TMEM267: variants seen among roughly 807,000 people sequenced by gnomAD.
The protein encoded by TMEM267 is transmembrane protein C5orf28.
Under a neutral mutation model 19.3 loss-of-function variants are expected in TMEM267, and 20 were observed. The observed-to-expected ratio is 1.04, with a 90% CI of 0.73 to 1.51. The LOEUF (loss-of-function observed/expected upper bound fraction) is 1.51, where lower values mean the gene tolerates loss of function less well. Ranked by LOEUF, TMEM267 falls within the 40% of genes most tolerant of loss-of-function variation. The pLI is 0.00. For missense variants in TMEM267, 242 were observed against 261.9 expected (o/e 0.92, Z 0.52); for synonymous variants, 88 against 90.3 (o/e 0.97, Z 0.15).
Position 43,445,195 on chromosome 5 carries a change from A to G in TMEM267, c.*1027T>C, listed in dbSNP as rs887237533. On this transcript the variant is annotated 3_prime_UTR_variant, in exon 3 of 3. Transcript: ENST00000397080. ...AATAAAGAGGAATCATTTTAATAGAAGATCAACCTGAAAGAAAAAGGAAAA... is the reference window on the plus strand; with the variant it reads ...AATAAAGAGGAATCATTTTAATAGAGGATCAACCTGAAAGAAAAAGGAAAA... 2 of 152,198 alleles carry G rather than the reference A, an allele frequency of 1.3e-5. No homozygotes were observed. Among genetic ancestry groups the G allele is most frequent in the African/African-American group, 2.4e-5 (1 of 41,460 alleles). 9.4% of individuals were successfully genotyped at this position (152,198 alleles called of 1,614,324 possible).
intron 1 of TMEM267, among the ~76,000 whole-genome samples, chr5:43,463,739 T>A (rs563558328): frequency 2.0e-5 from 3 of 152,318 alleles, no homozygotes; most frequent in African/African-American, 7.2e-5. Context: ...AAAAGGCCTT[T>A]GACAAAATTC....
intron 1 of TMEM267, among the ~76,000 whole-genome samples, chr5:43,463,325 A>C (rs894800917): frequency 1.3e-5 from 2 of 152,176 alleles, no homozygotes; most frequent in Non-Finnish European, 2.9e-5. Flanking sequence ...AAGGTCCAGG[A>C]CCAGATGTAT....
chr5:43,447,199 C>G (rs937571090), intron 2 of TMEM267, among the ~76,000 whole-genome samples: 3 of 151,638 alleles, frequency 2.0e-5, no homozygotes, highest in African/African-American at 7.3e-5. Flanking sequence ...TTAAAATTCT[C>G]CAGCCTCAGC....
chr5:43,474,991 T>C (rs1744325780), intron 1 of TMEM267, among the ~76,000 whole-genome samples: 1 of 152,126 alleles, frequency 6.6e-6, no homozygotes, highest in African/African-American at 2.4e-5. Flanking sequence ...GATCTAGAAC[T>C]AGAAATACCA....
intron 2 of TMEM267, among the ~76,000 whole-genome samples, chr5:43,451,503 C>T (rs1742585736): frequency 1.3e-5 from 2 of 152,110 alleles, no homozygotes; most frequent in South Asian, 4.1e-4. Flanking sequence ...AAAAAATGCT[C>T]CATATCACTA....
chr5:43,470,202 G>T (rs1743979785), intron 1 of TMEM267, among the ~76,000 whole-genome samples: 1 of 152,106 alleles, frequency 6.6e-6, no homozygotes, highest in Non-Finnish European at 1.5e-5. Context: ...GAGTGCAGTG[G>T]TGCAATCTCA....
upstream of TMEM267, chr5:43,484,249 A>C (rs1364335112): frequency 6.6e-6 from 1 of 152,246 alleles, no homozygotes; most frequent in Non-Finnish European, 1.5e-5. Context: ...CCAGGCACAC[A>C]GGCCTTACTA....
At chr5:43,476,446 G>C (rs1178369842) in intron 1 of TMEM267, among the ~76,000 whole-genome samples, 1 of 147,862 alleles carries the variant, frequency 6.8e-6, no homozygotes, top group Non-Finnish European at 1.5e-5. Context: ...AATTCCATAG[G>C]TCTTTAGCTC....
At chr5:43,477,491 A>G (rs4541663) in intron 1 of TMEM267, among the ~76,000 whole-genome samples, 92,693 of 151,590 alleles carry the variant, frequency 0.61, 30,990 homozygotes, top group African/African-American at 0.89. Flanking sequence ...CTACTTGGGA[A>G]GCTGAGGCAG....
intron 1 of TMEM267, among the ~76,000 whole-genome samples, chr5:43,458,851 G>A (rs997924672): frequency 1.3e-5 from 2 of 152,106 alleles, no homozygotes; most frequent in African/African-American, 4.8e-5. Context: ...GGAATGCACA[G>A]TGGCGTGAAT....
At chr5:43,462,837 G>A (rs1268185308) in intron 1 of TMEM267, among the ~76,000 whole-genome samples, 9 of 152,104 alleles carry the variant, frequency 5.9e-5, no homozygotes, top group Non-Finnish European at 1.3e-4. Flanking sequence ...CAGAAAGCAG[G>A]AAAGACCCAA....
At chr5:43,470,816 T>C (rs996486348) in intron 1 of TMEM267, among the ~76,000 whole-genome samples, 3 of 152,150 alleles carry the variant, frequency 2.0e-5, no homozygotes, top group South Asian at 4.1e-4. Context: ...TGTTTGCGGA[T>C]GATATGATCT....
intron 2 of TMEM267, among the ~76,000 whole-genome samples, chr5:43,451,440 G>A (rs1742582392): frequency 6.6e-6 from 1 of 152,044 alleles, no homozygotes; most frequent in African/African-American, 2.4e-5. Context: ...AGTGGGCAAA[G>A]GACATGAACA....
chr5:43,471,598 T>A (rs1014989880), intron 1 of TMEM267, among the ~76,000 whole-genome samples: 2 of 151,882 alleles, frequency 1.3e-5, no homozygotes, highest in African/African-American at 4.8e-5. Flanking sequence ...AACAGACACA[T>A]CAGCCAATGA....
At chr5:43,449,548 T>C (rs1391917899) in intron 2 of TMEM267, among the ~76,000 whole-genome samples, 1 of 152,216 alleles carries the variant, frequency 6.6e-6, no homozygotes, top group Non-Finnish European at 1.5e-5. Flanking sequence ...GACAATTTAG[T>C]AGAGCTATTA....
At chr5:43,464,309 TACAA>T (rs1405800146) in intron 1 of TMEM267, among the ~76,000 whole-genome samples, 7 of 151,728 alleles carry the variant, frequency 4.6e-5, no homozygotes, top group Non-Finnish European at 8.8e-5. Flanking sequence ...TAAAAGAGGA[TACAA>T]ACAAACGGAA....
chr5:43,458,842 G>A (rs1285368079), intron 1 of TMEM267, among the ~76,000 whole-genome samples: 2 of 152,064 alleles, frequency 1.3e-5, no homozygotes, highest in Admixed American at 6.6e-5. Flanking sequence ...TGCACTGAAG[G>A]AATGCACAGT....
intron 1 of TMEM267, among the ~76,000 whole-genome samples, chr5:43,477,406 G>GT (rs1275868973): frequency 6.6e-6 from 1 of 152,050 alleles, no homozygotes; most frequent in Non-Finnish European, 1.5e-5. Context: ...GACCAACACC[G>GT]TGAAACCCCA....
rs569815597 is a variant in TMEM267 at position 43,470,400 on chromosome 5, C to T, written c.-75+13422G>A. On this transcript the variant is annotated intron_variant, in intron 1 of 2. Coordinates refer to ENST00000397080, the MANE Select transcript of TMEM267 (RefSeq NM_022483.5). ...TCAAGTGATCCACTGCTTCAGCCTC[C>T]GAAAGTGCTGGTACTACAGGTGTGA... Among the ~76,000 whole-genome samples, 10 of 152,308 alleles carry T rather than the reference C, an allele frequency of 6.6e-5. No homozygotes were observed. The East Asian group carries it at 1.3e-3, about 21-fold the overall frequency.
Sources: gnomAD v4.1 joint callset for allele counts (sites outside exome capture counted in the v4.1 genomes callset) on GRCh38, gnomAD v4.1.1 for gene constraint, MANE v1.5 for transcripts, NCBI Gene and HGNC (gene_info 2026-07-23, HGNC 2026-07-21) for gene names.